Variants in SLC30A5 observed in about 807,000 individuals in gnomAD.
SLC30A5 encodes the protein proton-coupled zinc antiporter SLC30A5.
A neutral mutation model predicts 79.6 loss-of-function variants in SLC30A5; 33 were observed. The observed-to-expected ratio is 0.41, with a 90% CI of 0.31 to 0.55. The LOEUF (loss-of-function observed/expected upper bound fraction) is 0.55. Among genes scored for constraint, SLC30A5 ranks in the 20% least tolerant of loss-of-function variants. SLC30A5 has a pLI of 0.20. For synonymous variants in SLC30A5, 299 were observed against 319.7 expected, an observed-to-expected ratio of 0.94 and a Z score of 0.69; for missense variants, 788 against 928.1, an observed-to-expected ratio of 0.85 and a Z score of 1.96.
chr5:69,128,838 A>G (rs1439558233), intron 15 of SLC30A5, among the ~76,000 whole-genome samples: 2 of 152,194 alleles, frequency 1.3e-5, no homozygotes, highest in African/African-American at 4.8e-5. Flanking sequence ...GCCCTGTTCT[A>G]GATGTGCCAA....
chr5:69,115,390 C>G lies in SLC30A5; in HGVS notation c.766C>G (p.Leu256Val). 6.2e-7 allele frequency: 1 copy of G among 1,612,448 alleles called. No homozygotes were observed. The highest frequency in any genetic ancestry group is 2.2e-5 in the East Asian group (1 of 44,862). Reference sequence around the variant, plus strand: ...TCTCTTGTGCCCATGGGTCATTGTTCTTTCTGTGACAACTGAGGTAAGATA... The same window carrying G: ...TCTCTTGTGCCCATGGGTCATTGTTGTTTCTGTGACAACTGAGGTAAGATA... ...VLLLCPWVIV[L>V]SVTTESKVES... is the part of the protein sequence containing the mutation. Residue 256 changes from leucine (L) to valine (V), a missense_variant, in exon 8 of 16, where the codon CTT becomes GTT. By Grantham distance (32) the Leu-to-Val change is conservative. Coordinates refer to ENST00000396591, the MANE Select transcript of SLC30A5 (RefSeq NM_022902.5).
intron 14 of SLC30A5, 174 bp downstream of exon 14, chr5:69,123,599 T>C (rs1746594888): frequency 1.7e-6 from 1 of 576,738 alleles, no homozygotes; most frequent in South Asian, 2.1e-5. Flanking sequence ...ATGCAAGATA[T>C]AAATGAGAAA....
Position 69,100,759 on chromosome 5 carries a change from C to T in SLC30A5, c.84-48C>T, listed in dbSNP as rs1561286906. On this transcript the variant is annotated intron_variant, in intron 1 of 15. Transcript: ENST00000396591. ...TTTAAAAAACCAGATTGATGAGCTG[C>T]TTGTAATTTCAGTGATACTAAAAAT... 4 of 1,512,276 alleles carry T rather than the reference C, an allele frequency of 2.6e-6. No individual in the cohort carries two copies. The African/African-American group carries it at 4.2e-5, about 16-fold the overall frequency. 93.7% of individuals were successfully genotyped at this position (1,512,276 alleles called of 1,614,324 possible). A position where few individuals can be genotyped will look rare whatever the true frequency, so the allele number is the denominator to read the frequency against.
intron 3 of SLC30A5, among the ~76,000 whole-genome samples, chr5:69,103,614 C>T (rs548437646): frequency 6.6e-6 from 1 of 152,214 alleles, no homozygotes; most frequent in Non-Finnish European, 1.5e-5. Context: ...AACTTCCTAA[C>T]AGAACTGTGA....
At chr5:69,125,740 G>A (rs1561299681) in intron 14 of SLC30A5, among the ~76,000 whole-genome samples, 1 of 151,558 alleles carries the variant, frequency 6.6e-6, no homozygotes, top group African/African-American at 2.4e-5. Context: ...TCGGGAGGCT[G>A]AGGCAGGAGA....
In SLC30A5 at chr5:69,130,276, A is replaced by G. The variant is rs1411635534; in HGVS notation, c.*659A>G. ...TTTTTACTTTTGGTAATATTTGCAAATGAATAATTAATTTATTAGGGTAAA... is the reference window on the plus strand; with the variant it reads ...TTTTTACTTTTGGTAATATTTGCAAGTGAATAATTAATTTATTAGGGTAAA... On this transcript the variant is annotated 3_prime_UTR_variant, in exon 16 of 16. Coordinates refer to ENST00000396591, the MANE Select transcript of SLC30A5 (RefSeq NM_022902.5). 2 of 152,182 alleles carry G rather than the reference A, an allele frequency of 1.3e-5. No individual in the cohort carries two copies. The highest frequency in any genetic ancestry group is 3.8e-4 in the East Asian group (2 of 5,198). 9.4% of individuals were successfully genotyped at this position (152,182 alleles called of 1,614,324 possible).
intron 11 of SLC30A5, among the ~76,000 whole-genome samples, chr5:69,117,761 C>T (rs768575068): frequency 1.3e-5 from 2 of 151,754 alleles, no homozygotes; most frequent in Non-Finnish European, 2.9e-5. Flanking sequence ...CCTGTAGCCC[C>T]AGCTACTCGG....
intron 6 of SLC30A5, among the ~76,000 whole-genome samples, chr5:69,113,896 T>C (rs986770938): frequency 2.1e-4 from 32 of 152,276 alleles, no homozygotes; most frequent in African/African-American, 7.5e-4. Flanking sequence ...GAGTGTGACT[T>C]TGGAAAAGCT....
At chr5:69,113,289 A>G (rs1305489462) in intron 6 of SLC30A5, 62 bp downstream of exon 6, 3 of 1,264,386 alleles carry the variant, frequency 2.4e-6, no homozygotes, top group African/African-American at 3.0e-5. Flanking sequence ...AGCCTGGAAC[A>G]ATGGAAAAAG....
chr5:69,123,496 A>G, intron 14 of SLC30A5, 71 bp downstream of exon 14: 1 of 1,149,368 alleles, frequency 8.7e-7, no homozygotes, highest in Non-Finnish European at 1.3e-6. Flanking sequence ...CTGGAAGTAA[A>G]ACAGACAACC....
chr5:69,124,375 G>C (rs920100192), intron 14 of SLC30A5, among the ~76,000 whole-genome samples: 8 of 152,036 alleles, frequency 5.3e-5, no homozygotes, highest in Non-Finnish European at 8.8e-5. Context: ...GGAGTTTATG[G>C]AATTCAGTAT....
intron 13 of SLC30A5, among the ~76,000 whole-genome samples, chr5:69,122,934 T>A (rs1039282988): frequency 6.6e-6 from 1 of 152,212 alleles, no homozygotes; most frequent in Non-Finnish European, 1.5e-5. Context: ...AAAACTTGCC[T>A]CAAGTATGAT....
chr5:69,114,361 A>G, intron 6 of SLC30A5, 59 bp from the exon 7 acceptor site: 2 of 937,420 alleles, frequency 2.1e-6, no homozygotes, highest in Non-Finnish European at 1.8e-6. Context: ...TTTCAGGAGA[A>G]CTTCAGGTGT....
At position 69,118,484 on chromosome 5, in the gene SLC30A5, G is replaced by T; in HGVS notation, c.1440-15G>T. The T allele has an allele frequency of 6.3e-7, 1 of 1,584,258 alleles. No homozygotes were observed. Among genetic ancestry groups the T allele is most frequent in the Non-Finnish European group, 8.6e-7 (1 of 1,168,486 alleles). Reference sequence around the variant, plus strand: ...TTGTCCTTTTCCTTTTCTGAAAAATGTTCTATGTTTTTAGGTACGGCCGAA... The same window carrying T: ...TTGTCCTTTTCCTTTTCTGAAAAATTTTCTATGTTTTTAGGTACGGCCGAA... On this transcript the variant is annotated splice_polypyrimidine_tract_variant and intron_variant, in intron 11 of 15. Transcript: ENST00000396591.
chr5:69,116,435 G>T lies in SLC30A5; in HGVS notation c.1114G>T (p.Gly372Cys). 3 of 1,609,720 alleles carry T rather than the reference G, an allele frequency of 1.9e-6. No homozygotes were observed. The highest frequency in any genetic ancestry group is 2.5e-6 in the Non-Finnish European group (3 of 1,178,752). ...ATCTCCCTCTAAGAGAGGACAAAAA[G>T]GTACCCTTATTGGATATTCTCCTGA... ...LSSPSKRGQK[G>C]TLIGYSPEGT... The change falls in exon 10 of 16, where the codon GGT becomes TGT. Residue 372 changes from glycine (G) to cysteine (C), a missense_variant. By Grantham distance (159) the Gly-to-Cys change is radical. Around this residue, in one of 3 missense-constraint regions of SLC30A5, gnomAD observed 626 missense variants for 755.5 expected, o/e 0.83. Transcript: ENST00000396591. This position sits in a 1 kb window ranked among gnomAD's most constrained non-coding sequence, Gnocchi z 4.0.
intron 13 of SLC30A5, among the ~76,000 whole-genome samples, chr5:69,122,133 C>A (rs1053016625): frequency 3.3e-5 from 5 of 152,282 alleles, no homozygotes; most frequent in Middle Eastern, 6.8e-3. Flanking sequence ...TGGTGGTTCA[C>A]GCCTGTTAAT....
intron 5 of SLC30A5, among the ~76,000 whole-genome samples, chr5:69,109,876 G>T (rs1411538410): frequency 6.6e-6 from 1 of 152,128 alleles, no homozygotes; most frequent in East Asian, 1.9e-4. Flanking sequence ...GAAGGAGTGG[G>T]CTAGGGAACC....
intron 6 of SLC30A5, among the ~76,000 whole-genome samples, chr5:69,114,007 A>C (rs1746299680): frequency 6.6e-6 from 1 of 152,090 alleles, no homozygotes; most frequent in Non-Finnish European, 1.5e-5. Context: ...CAGATTTAGG[A>C]CTCATTTTAC....
chr5:69,104,142 T>G (rs920834863), intron 3 of SLC30A5: 5 of 1,344,078 alleles, frequency 3.7e-6, no homozygotes, highest in Non-Finnish European at 4.9e-6. Flanking sequence ...CTTTTTTTTT[T>G]TCTTTCTTTT....
Sources: allele counts gnomAD v4.1 joint callset (sites outside exome capture counted in the v4.1 genomes callset), GRCh38; gene constraint gnomAD v4.1.1; regional missense constraint gnomAD v4.1.1; non-coding constraint Gnocchi (gnomAD v3.1); transcripts MANE v1.5; gene names NCBI Gene and HGNC (gene_info 2026-07-23, HGNC 2026-07-21).